The following MOB3B variants were observed in gnomAD, a reference collection of about 807,000 sequenced individuals.
The protein encoded by MOB3B is MOB kinase activator 3B.
MOB3B carries 7 observed loss-of-function variants against 18.7 expected under a neutral mutation model. The ratio of observed to expected loss-of-function variants is 0.37; its 90% CI spans 0.21 to 0.70. The LOEUF (loss-of-function observed/expected upper bound fraction) is 0.70, where lower values mean the gene tolerates loss of function less well. Among genes scored for constraint, MOB3B ranks in the 30% least tolerant of loss-of-function variants. MOB3B has a pLI of 0.52. For synonymous variants in MOB3B, 111 were observed against 99.9 expected (o/e 1.11, Z -0.66); for missense variants, 253 against 281.3 (o/e 0.90, Z 0.72).
intron 1 of MOB3B, among the ~76,000 whole-genome samples, chr9:27,485,996 A>G (rs1481464085): frequency 6.6e-6 from 1 of 152,220 alleles, no homozygotes; most frequent in Admixed American, 6.5e-5. Context: ...GTTTTCTGTA[A>G]TGAATGAAAG....
At chr9:27,378,601 C>A (rs747984274) in intron 2 of MOB3B, 18 of 470,992 alleles carry the variant, frequency 3.8e-5, no homozygotes, top group African/African-American at 3.4e-4. Context: ...TCTTCTTCCC[C>A]CTGTATCTCA....
At chr9:27,485,270 A>G (rs191728634) in intron 1 of MOB3B, among the ~76,000 whole-genome samples, 63 of 152,338 alleles carry the variant, frequency 4.1e-4, no homozygotes, top group Admixed American at 3.3e-3. Context: ...TAAGTAACTT[A>G]CCCAACAACA....
chr9:27,382,520 T>C (rs1821592613), intron 2 of MOB3B, among the ~76,000 whole-genome samples: 1 of 152,012 alleles, frequency 6.6e-6, no homozygotes, highest in South Asian at 2.1e-4. Context: ...GGTGGAAAAA[T>C]GCACCTAATC....
chr9:27,454,077 C>T (rs556075266), intron 2 of MOB3B, among the ~76,000 whole-genome samples: 3 of 152,078 alleles, frequency 2.0e-5, no homozygotes, highest in South Asian at 2.1e-4. Flanking sequence ...GTTTGTGTGC[C>T]GAATATTTCA....
intron 1 of MOB3B, among the ~76,000 whole-genome samples, chr9:27,477,722 C>T (rs572977345): frequency 1.3e-5 from 2 of 152,316 alleles, no homozygotes; most frequent in South Asian, 2.1e-4. Flanking sequence ...CATAACTGTT[C>T]TTCTTAATGC....
intron 2 of MOB3B, among the ~76,000 whole-genome samples, chr9:27,440,731 T>C (rs1822582098): frequency 1.0e-5 from 1 of 97,224 alleles, no homozygotes; most frequent in Non-Finnish European, 1.9e-5. Flanking sequence ...AGAAGATTCA[T>C]TTTTTTTTTA....
intron 2 of MOB3B, among the ~76,000 whole-genome samples, chr9:27,397,906 C>T (rs746065332): frequency 3.9e-5 from 6 of 152,166 alleles, no homozygotes; most frequent in Non-Finnish European, 8.8e-5. Flanking sequence ...AGTATCTACC[C>T]GTTAGATGCC....
intron 3 of MOB3B, among the ~76,000 whole-genome samples, chr9:27,331,712 A>C (rs1820792964): frequency 6.6e-6 from 1 of 152,174 alleles, no homozygotes. Flanking sequence ...GTTTCATGTC[A>C]CTTTAGTTAG....
At chr9:27,330,663 G>A (rs1380768301) in intron 3 of MOB3B, 47 bp from the exon 4 acceptor site, 1 of 1,612,508 alleles carries the variant, frequency 6.2e-7, no homozygotes, top group Non-Finnish European at 8.5e-7. Flanking sequence ...TATAAGCAGA[G>A]CAACGATTTG....
At position 27,529,811 on chromosome 9, in the gene MOB3B, G is replaced by C. The variant is rs141658869; in HGVS notation, c.-455C>G. ...CGCGCCGCGCAGCCGGCCGGGGCTC[G>C]ACTGTCTCGCGGGGACGCCGAGCGG... On this transcript the variant is annotated 5_prime_UTR_variant, in exon 1 of 4. Transcript: ENST00000262244. 14 of 985,328 alleles carry C rather than the reference G, an allele frequency of 1.4e-5. No homozygotes were observed. The highest frequency in any genetic ancestry group is 1.7e-5 in the African/African-American group (1 of 57,238). The allele number at this position is 985,328 out of a possible 1,614,324, so 61.0% of individuals were successfully genotyped here.
At chr9:27,465,285 A>G (rs558915436) in intron 1 of MOB3B, among the ~76,000 whole-genome samples, 14 of 152,334 alleles carry the variant, frequency 9.2e-5, no homozygotes, top group Admixed American at 6.5e-4. Context: ...TCCGAAATCC[A>G]GCAGGGCAGT....
At chr9:27,407,257 G>A (rs997714024) in intron 2 of MOB3B, among the ~76,000 whole-genome samples, 8 of 152,170 alleles carry the variant, frequency 5.3e-5, no homozygotes, top group African/African-American at 1.9e-4. Context: ...ACAACATCAG[G>A]GAACCATTCC....
chr9:27,493,175 T>C (rs949503380), intron 1 of MOB3B, among the ~76,000 whole-genome samples: 12 of 152,192 alleles, frequency 7.9e-5, no homozygotes, highest in Non-Finnish European at 2.9e-5. Flanking sequence ...TCTTGCTCTG[T>C]CACCCAGGCT....
intron 2 of MOB3B, among the ~76,000 whole-genome samples, chr9:27,380,388 G>C (rs552973322): frequency 2.7e-5 from 4 of 149,624 alleles, no homozygotes; most frequent in Admixed American, 1.3e-4. Context: ...ACAGACGCCC[G>C]CCATGACACC....
rs565515722 is a variant in MOB3B, at chr9:27,410,846, C to A, written c.418+44287G>T. Reference sequence around the variant, plus strand: ...CTTGGTGATTGAATTATCTTTCTCTCTATATAGCTATATGAATCACACTAC... The same window carrying A: ...CTTGGTGATTGAATTATCTTTCTCTATATATAGCTATATGAATCACACTAC... On this transcript the variant is annotated intron_variant, in intron 2 of 3. Coordinates refer to ENST00000262244, the MANE Select transcript of MOB3B (RefSeq NM_024761.5). 5.3e-5 allele frequency among the ~76,000 whole-genome samples: 8 copies of A among 152,280 alleles called. 1 individual carries two copies. The highest frequency in any genetic ancestry group is 9.6e-5 in the African/African-American group (4 of 41,548).
intron 3 of MOB3B, among the ~76,000 whole-genome samples, chr9:27,341,823 C>G (rs779593335): frequency 6.6e-6 from 1 of 152,130 alleles, no homozygotes; most frequent in Non-Finnish European, 1.5e-5. Flanking sequence ...AGAATTCAAA[C>G]CAGGATATCA....
intron 3 of MOB3B, among the ~76,000 whole-genome samples, chr9:27,334,140 TA>T (rs1820829798): frequency 6.6e-6 from 1 of 152,246 alleles, no homozygotes; most frequent in South Asian, 2.1e-4. Context: ...TATATTAATG[TA>T]TGATGCATAT....
chr9:27,422,052 C>G (rs1407106236), intron 2 of MOB3B, among the ~76,000 whole-genome samples: 1 of 152,130 alleles, frequency 6.6e-6, no homozygotes, highest in Non-Finnish European at 1.5e-5. Flanking sequence ...GTGCCTGGAA[C>G]CCAGTAGGGG....
Position 27,330,569 on chromosome 9 carries a change from A to G in MOB3B, c.*18T>C, listed in dbSNP as rs767171147. The stretch of plus-strand genomic sequence containing the variant: ...GGAGGAAACAGCTTTCCTTTCTTCC[A>G]AAGGGTGAGGTGGAGCATTAGTGAC... On this transcript the variant is annotated 3_prime_UTR_variant, in exon 4 of 4. Transcript: ENST00000262244. 6.2e-7 allele frequency: 1 copy of G among 1,613,640 alleles called. No homozygotes were observed. Among genetic ancestry groups the G allele is most frequent in the South Asian group, 1.1e-5 (1 of 90,904 alleles).
Sources: gnomAD v4.1 joint callset for allele counts (sites outside exome capture counted in the v4.1 genomes callset) on GRCh38, gnomAD v4.1.1 for gene constraint, MANE v1.5 for transcripts, NCBI Gene and HGNC (gene_info 2026-07-23, HGNC 2026-07-21) for gene names.